The following WWC1 variants were observed in gnomAD, a reference collection of about 807,000 sequenced individuals.
The protein encoded by WWC1 is protein KIBRA.
Under a neutral mutation model 138.4 loss-of-function variants are expected in WWC1, and 55 were observed. The ratio of observed to expected loss-of-function variants is 0.40; its 90% confidence interval spans 0.32 to 0.50. WWC1 has a LOEUF of 0.50. Among genes scored for constraint, WWC1 ranks in the 20% least tolerant of loss-of-function variants. The probability of loss-of-function intolerance (pLI) is 0.72; values close to 1 mark genes in which losing one functional copy is unlikely to be tolerated. For synonymous variants in WWC1, 524 were observed against 564.9 expected, an observed-to-expected ratio of 0.93 and a Z score of 1.03; for missense variants, 1,226 against 1,420.4, an observed-to-expected ratio of 0.86 and a Z score of 2.20.
chr5:168,346,345 A>G (rs1774472505), intron 1 of WWC1, among the ~76,000 whole-genome samples: 1 of 152,194 alleles, frequency 6.6e-6, no homozygotes, highest in South Asian at 2.1e-4. Flanking sequence ...TCCAGGAACC[A>G]TACAGGGAAA....
chr5:168,343,683 G>A (rs963688012), intron 1 of WWC1, among the ~76,000 whole-genome samples: 15 of 152,092 alleles, frequency 9.9e-5, no homozygotes, highest in Non-Finnish European at 1.6e-4. Flanking sequence ...TTAGCTGGGC[G>A]TGGTGGCGTG....
At chr5:168,465,576 T>TTTTTTTTTTG (rs1554118704) in intron 21 of WWC1, among the ~76,000 whole-genome samples, 3 of 136,130 alleles carry the variant, frequency 2.2e-5, no homozygotes, top group African/African-American at 8.7e-5. Context: ...TTTTTTTTTT[T>TTTTTTTTTTG]GGAGATGGGT....
chr5:168,404,770 G>A (rs571354652), intron 5 of WWC1, among the ~76,000 whole-genome samples: 1 of 152,242 alleles, frequency 6.6e-6, no homozygotes, highest in South Asian at 2.1e-4. Context: ...AAAGTGTGAT[G>A]TAGTTAAAAT....
intron 1 of WWC1, among the ~76,000 whole-genome samples, chr5:168,346,530 C>G (rs986097320): frequency 6.6e-6 from 1 of 152,050 alleles, no homozygotes; most frequent in Non-Finnish European, 1.5e-5. Context: ...CCTGACACAC[C>G]GATGCCCTTA....
chr5:168,399,671 A>C, intron 5 of WWC1, 104 bp downstream of exon 5: 1 of 1,117,474 alleles, frequency 8.9e-7, no homozygotes, highest in Non-Finnish European at 1.3e-6. Flanking sequence ...TCCCTTCTCA[A>C]AATGTGGCTC....
chr5:168,423,162 A>AAAAAAAAAAAAAAC (rs1561743499), intron 10 of WWC1, among the ~76,000 whole-genome samples: 186 of 108,772 alleles, frequency 1.7e-3, no homozygotes, highest in Non-Finnish European at 2.5e-3. Context: ...AAAAAAAAAA[A>AAAAAAAAAAAAAAC]AAAAAAAAAA....
chr5:168,443,037 A>G (rs1043154715), intron 16 of WWC1, among the ~76,000 whole-genome samples: 3 of 151,478 alleles, frequency 2.0e-5, no homozygotes, highest in Admixed American at 6.6e-5. Context: ...AGTCTTACAT[A>G]TGGGGTATTG....
chr5:168,405,517 A>T (rs76048148), intron 5 of WWC1, among the ~76,000 whole-genome samples: 1 of 152,128 alleles, frequency 6.6e-6, no homozygotes, highest in Non-Finnish European at 1.5e-5. Context: ...TTATCACACA[A>T]TGTAACGACT....
At chr5:168,389,485 CTG>C (rs1205083770) in intron 3 of WWC1, among the ~76,000 whole-genome samples, 1 of 150,348 alleles carries the variant, frequency 6.7e-6, no homozygotes, top group Non-Finnish European at 1.5e-5. Flanking sequence ...AAAAGAAGCA[CTG>C]TAGTGGGAGG....
chr5:168,392,549 C>T (rs1008223248), intron 3 of WWC1, among the ~76,000 whole-genome samples: 5 of 152,072 alleles, frequency 3.3e-5, no homozygotes, highest in Admixed American at 6.5e-5. Flanking sequence ...GAAAATTATC[C>T]GAGTGTGGTG....
At chr5:168,400,425 A>C (rs2152831986) in intron 5 of WWC1, among the ~76,000 whole-genome samples, 1 of 152,330 alleles carries the variant, frequency 6.6e-6, no homozygotes, top group African/African-American at 2.4e-5. Flanking sequence ...AAGTGAGAAC[A>C]CGCAGTAGCT....
chr5:168,419,532 G>A (rs1167119395), intron 9 of WWC1, among the ~76,000 whole-genome samples: 1 of 152,152 alleles, frequency 6.6e-6, no homozygotes, highest in South Asian at 2.1e-4. Context: ...CACCTGGGAG[G>A]CTTAATGAAA....
chr5:168,362,778 A>C (rs1188621002), intron 1 of WWC1, among the ~76,000 whole-genome samples: 1 of 152,188 alleles, frequency 6.6e-6, no homozygotes, highest in Non-Finnish European at 1.5e-5. Flanking sequence ...GGATGGACCC[A>C]AAGGGCACAG....
intron 3 of WWC1, among the ~76,000 whole-genome samples, chr5:168,386,217 A>G (rs1778033143): frequency 6.6e-6 from 1 of 151,912 alleles, no homozygotes; most frequent in Non-Finnish European, 1.5e-5. Context: ...AGTCTTGGCC[A>G]TGGCTGTCTG....
Position 168,456,010 on chromosome 5 carries a change from A to T in WWC1, c.2823+490A>T, listed in dbSNP as rs554726364. Among the ~76,000 whole-genome samples, 121 of 152,336 alleles carry T rather than the reference A, an allele frequency of 7.9e-4. No homozygotes were observed. In the South Asian group the frequency reaches 0.011, roughly 14 times the overall value. ...CTGCTGCTAACATTTAAAACTTTTT[A>T]AAAAGGCGGCCAGATGCAGTGTCTC... On this transcript the variant is annotated intron_variant, in intron 19 of 22. Transcript: ENST00000265293.
chr5:168,414,233 C>G lies in WWC1; in HGVS notation c.942-115C>G. ...AGGTTCCTTGAGATGACAAGCTGATCAAAGGAAGACAGTAACTGTCAAAGA... is the reference window on the plus strand; with the variant it reads ...AGGTTCCTTGAGATGACAAGCTGATGAAAGGAAGACAGTAACTGTCAAAGA... On this transcript the variant is annotated intron_variant, in intron 8 of 22. Transcript: ENST00000265293. 1.0e-5 allele frequency: 15 copies of G among 1,435,244 alleles called. No individual in the cohort carries two copies. In the South Asian group the frequency reaches 2.2e-4, roughly 21 times the overall value. The allele number at this position is 1,435,244 out of a possible 1,614,324, so 88.9% of individuals were successfully genotyped here.
At chr5:168,343,567 T>C (rs901332476) in intron 1 of WWC1, among the ~76,000 whole-genome samples, 2 of 152,168 alleles carry the variant, frequency 1.3e-5, no homozygotes, top group African/African-American at 4.8e-5. Context: ...CTCACGCCTG[T>C]AATCCCAACA....
At chr5:168,318,521 G>A in intron 1 of WWC1, among the ~76,000 whole-genome samples, 1 of 151,172 alleles carries the variant, frequency 6.6e-6, no homozygotes, top group East Asian at 1.9e-4. Context: ...CCTCATATAA[G>A]TGAAATCTTA....
intron 1 of WWC1, among the ~76,000 whole-genome samples, chr5:168,303,457 A>G (rs1049015204): frequency 2.0e-5 from 3 of 152,044 alleles, no homozygotes; most frequent in African/African-American, 7.3e-5. Flanking sequence ...AACATTCAAA[A>G]AATGAGCTGG....
Sources: gnomAD v4.1 joint callset for allele counts (sites outside exome capture counted in the v4.1 genomes callset) on GRCh38, gnomAD v4.1.1 for gene constraint, MANE v1.5 for transcripts, NCBI Gene and HGNC (gene_info 2026-07-23, HGNC 2026-07-21) for gene names.